The following EPHA4 variants were observed in gnomAD, a reference collection of about 807,000 sequenced individuals.
EPHA4 encodes the protein ephrin type-A receptor 4.
Under a neutral mutation model 108.3 loss-of-function variants are expected in EPHA4, and 19 were observed. That is an observed-to-expected ratio of 0.18 (90% confidence interval 0.12 to 0.26). The LOEUF (loss-of-function observed/expected upper bound fraction) is 0.26, where lower values mean the gene tolerates loss of function less well. Among genes scored for constraint, EPHA4 ranks in the 10% least tolerant of loss-of-function variants. EPHA4 has a pLI of 1.00. For synonymous variants in EPHA4, 449 were observed against 455.5 expected (o/e 0.99, Z 0.18); for missense variants, 917 against 1,254.0 (o/e 0.73, Z 4.06).
chr2:221,455,682 G>A (rs751458456), intron 7 of EPHA4, 24 bp from the exon 8 acceptor site: 5 of 1,568,322 alleles, frequency 3.2e-6, no homozygotes, highest in Non-Finnish European at 3.5e-6. Context: ...TTGCATAAGG[G>A]TCACCTTTGG....
intron 8 of EPHA4, among the ~76,000 whole-genome samples, chr2:221,452,117 ACGTGAGT>A (rs1690805875): frequency 6.6e-6 from 1 of 152,236 alleles, no homozygotes; most frequent in African/African-American, 2.4e-5. Context: ...CTTTCTCACT[ACGTGAGT>A]TTCTGTCCAT....
intron 14 of EPHA4, among the ~76,000 whole-genome samples, chr2:221,432,359 G>C (rs1053485784): frequency 6.6e-6 from 1 of 152,070 alleles, no homozygotes; most frequent in African/African-American, 2.4e-5. Flanking sequence ...CCCTGTGAGA[G>C]TCTCTAACCT....
rs1689717983 is a variant in EPHA4, at chr2:221,420,262, G to C, written c.*1110C>G. The C allele has an allele frequency of 6.6e-6, 1 of 152,518 alleles. No individual in the cohort carries two copies. Among genetic ancestry groups the C allele is most frequent in the Admixed American group, 6.5e-5 (1 of 15,268 alleles). 9.4% of individuals were successfully genotyped at this position (152,518 alleles called of 1,614,324 possible). On this transcript the variant is annotated 3_prime_UTR_variant, in exon 18 of 18. Transcript: ENST00000281821. ...AAACCGCAAAGAGTCTGGGGCAAGG[G>C]CTCTGCAGAGCTGGTGCTGCGAGAC... is the stretch of plus-strand genomic sequence containing the variant.
At chr2:221,560,095 C>T (rs973888176) in intron 3 of EPHA4, among the ~76,000 whole-genome samples, 13 of 152,114 alleles carry the variant, frequency 8.5e-5, no homozygotes, top group Admixed American at 1.3e-4. Flanking sequence ...AACAACAGCA[C>T]ACCCCAGGCC....
intron 11 of EPHA4, among the ~76,000 whole-genome samples, chr2:221,440,109 G>A (rs1386558250): frequency 6.6e-6 from 1 of 152,216 alleles, no homozygotes; most frequent in Non-Finnish European, 1.5e-5. Flanking sequence ...CTGGGCTCTT[G>A]GATAGAGGAG....
intron 17 of EPHA4, among the ~76,000 whole-genome samples, chr2:221,423,913 C>T (rs773406025): frequency 6.6e-6 from 1 of 151,968 alleles, no homozygotes; most frequent in East Asian, 1.9e-4. Flanking sequence ...ATCAAGAGTT[C>T]GAGACCAGCC....
At chr2:221,502,057 C>T (rs1255061920) in intron 3 of EPHA4, among the ~76,000 whole-genome samples, 2 of 152,098 alleles carry the variant, frequency 1.3e-5, no homozygotes, top group African/African-American at 2.4e-5. Context: ...ATACACCTGA[C>T]ATCCTTTCCA....
At chr2:221,443,082 A>G (rs915556537) in intron 10 of EPHA4, 68 bp from the exon 11 acceptor site, 2 of 1,493,988 alleles carry the variant, frequency 1.3e-6, no homozygotes, top group Admixed American at 1.8e-5. Flanking sequence ...AACAGCTAAC[A>G]TTCCTTGAGT....
intron 3 of EPHA4, chr2:221,502,616 A>G (rs1692517294): frequency 6.4e-6 from 3 of 470,928 alleles, no homozygotes; most frequent in South Asian, 3.1e-5. Flanking sequence ...TCATCCATCA[A>G]GCATCTGTAT....
chr2:221,419,148 A>G lies in EPHA4; in HGVS notation c.*2224T>C, dbSNP rs1310964784. 6.6e-6 allele frequency: 1 copy of G among 152,650 alleles called. No individual in the cohort carries two copies. Among genetic ancestry groups the G allele is most frequent in the African/African-American group, 2.4e-5 (1 of 41,458 alleles). The allele number at this position is 152,650 out of a possible 1,614,324, so 9.5% of individuals were successfully genotyped here. ...TAGGATAAGCAAGGCAGCCACTCAGATTATGAAAAATGGCAGTAAGTTGGC... is the reference window on the plus strand; with the variant it reads ...TAGGATAAGCAAGGCAGCCACTCAGGTTATGAAAAATGGCAGTAAGTTGGC... On this transcript the variant is annotated 3_prime_UTR_variant, in exon 18 of 18. Coordinates refer to ENST00000281821, the MANE Select transcript of EPHA4 (RefSeq NM_004438.5).
At chr2:221,549,449 T>A (rs1190194318) in intron 3 of EPHA4, among the ~76,000 whole-genome samples, 1 of 152,166 alleles carries the variant, frequency 6.6e-6, no homozygotes, top group Admixed American at 6.5e-5. Context: ...CTCCCCTCTC[T>A]CTCTGGCTGT....
At chr2:221,471,113 GAT>G (rs1158500281) in intron 5 of EPHA4, among the ~76,000 whole-genome samples, 1 of 152,156 alleles carries the variant, frequency 6.6e-6, no homozygotes, top group Non-Finnish European at 1.5e-5. Context: ...AAGGTCAGTA[GAT>G]ATCTTCAACT....
At chr2:221,488,728 C>T (rs1448977799) in intron 4 of EPHA4, among the ~76,000 whole-genome samples, 1 of 152,116 alleles carries the variant, frequency 6.6e-6, no homozygotes, top group East Asian at 1.9e-4. Flanking sequence ...CACATCATAT[C>T]ATGTTGTATT....
At chr2:221,567,902 AT>A (rs1424166370) in intron 2 of EPHA4, among the ~76,000 whole-genome samples, 2 of 152,164 alleles carry the variant, frequency 1.3e-5, no homozygotes, top group Non-Finnish European at 1.5e-5. Flanking sequence ...TTTTAAAAGG[AT>A]TTGAGAGTTA....
At position 221,446,167 on chromosome 2, in the gene EPHA4, C is replaced by G. The variant is rs997617273; in HGVS notation, c.1730G>C (p.Ser577Thr). 1 of 1,539,064 alleles carries G rather than the reference C, an allele frequency of 6.5e-7. No homozygotes were observed. Among genetic ancestry groups the G allele is most frequent in the Non-Finnish European group, 8.7e-7 (1 of 1,144,748 alleles). ...TTCATCCGCTTCTTGTTTGGCTTTA[C>G]TGTATTTACTCCGTCTATTAAAATT... The part of the protein sequence containing the change: ...FVISRRRSKY[S>T]KAKQEADEEK... Residue 577 changes from serine to threonine, a missense_variant, in exon 9 of 18, where the codon AGT becomes ACT. By Grantham distance (58) the Ser-to-Thr change is moderately conservative (BLOSUM62 1). Transcript: ENST00000281821.
chr2:221,458,918 C>T (rs1691048333), intron 5 of EPHA4, among the ~76,000 whole-genome samples: 1 of 152,158 alleles, frequency 6.6e-6, no homozygotes, highest in Non-Finnish European at 1.5e-5. Context: ...GATTAGGGAG[C>T]TTCCTAACTC....
chr2:221,420,921 G>A (rs1012234609), intron 17 of EPHA4, among the ~76,000 whole-genome samples: 1 of 152,144 alleles, frequency 6.6e-6, no homozygotes, highest in Non-Finnish European at 1.5e-5. Context: ...TTTAACCACC[G>A]TGTTGAACAG....
At chr2:221,520,803 C>T (rs1693142653) in intron 3 of EPHA4, among the ~76,000 whole-genome samples, 1 of 152,152 alleles carries the variant, frequency 6.6e-6, no homozygotes, top group African/African-American at 2.4e-5. Context: ...TCTTGAAATT[C>T]ATATTTCATA....
chr2:221,442,870 T>G lies in EPHA4; in HGVS notation c.2033A>C (p.Asp678Ala). Residue 678 changes from aspartate to alanine, a missense_variant, in exon 11 of 18, where the codon GAC (aspartate) becomes GCC (alanine). By Grantham distance (126) the Asp-to-Ala change is moderately radical. Transcript: ENST00000281821. ...LSEASIMGQF[D>A]HPNIIHLEGV... is the part of the protein sequence containing the mutation. ...TTCCAAGTGAATGATGTTCGGATGG[T>G]CAAACTGTCCCATGATGCTGGCCTC... is the stretch of plus-strand genomic sequence containing the variant. 6.2e-7 allele frequency: 1 copy of G among 1,614,152 alleles called. No individual in the cohort carries two copies. Among genetic ancestry groups the G allele is most frequent in the Non-Finnish European group, 8.5e-7 (1 of 1,180,022 alleles).
Sources: allele counts gnomAD v4.1 joint callset (sites outside exome capture counted in the v4.1 genomes callset), GRCh38; gene constraint gnomAD v4.1.1; transcripts MANE v1.5; gene names NCBI Gene and HGNC (gene_info 2026-07-23, HGNC 2026-07-21).